The following BRD9 variants were observed in gnomAD, a reference collection of about 807,000 sequenced individuals.
The protein encoded by BRD9 is bromodomain containing 9, also known as bromodomain-containing protein 9.
BRD9 carries 47 observed loss-of-function variants against 68.7 expected under a neutral mutation model. The observed-to-expected ratio is 0.68, with a 90% CI of 0.54 to 0.87. BRD9 has a LOEUF of 0.87. BRD9 is among the 40% of genes least tolerant of loss of function. The pLI is 0.00. For synonymous variants in BRD9, 313 were observed against 293.9 expected (o/e 1.06, Z -0.67); for missense variants, 670 against 748.4 (o/e 0.90, Z 1.22).
intron 12 of BRD9, among the ~76,000 whole-genome samples, chr5:874,229 CTGA>C (rs1231646982): frequency 6.6e-6 from 1 of 152,240 alleles, no homozygotes; most frequent in Non-Finnish European, 1.5e-5. Flanking sequence ...TCCTGTGGAG[CTGA>C]TGACAGGTGC....
At chr5:891,421 G>T in intron 2 of BRD9, 134 bp from the exon 3 acceptor site, 1 of 1,380,332 alleles carries the variant, frequency 7.2e-7, no homozygotes, top group Non-Finnish European at 9.6e-7. Context: ...CTCATGCCAG[G>T]CTCCCTCCTC....
chr5:887,759 T>A (rs138636412), intron 5 of BRD9, among the ~76,000 whole-genome samples: 1 of 152,340 alleles, frequency 6.6e-6, no homozygotes, highest in Non-Finnish European at 1.5e-5. Context: ...CTGCGCTTCT[T>A]GCATTTCTCC....
chr5:871,206 A>G (rs1750082381), intron 13 of BRD9, among the ~76,000 whole-genome samples: 2 of 152,210 alleles, frequency 1.3e-5, no homozygotes, highest in African/African-American at 4.8e-5. Flanking sequence ...TGCTTGGGAC[A>G]ACACCTGCTA....
intron 7 of BRD9, among the ~76,000 whole-genome samples, chr5:886,138 TAC>T (rs911837840): frequency 2.0e-5 from 3 of 152,278 alleles, no homozygotes; most frequent in African/African-American, 7.2e-5. Context: ...CTCCAGCGTC[TAC>T]ACAGACACAG....
At chr5:884,472 C>T (rs967617063) in intron 7 of BRD9, among the ~76,000 whole-genome samples, 20 of 152,228 alleles carry the variant, frequency 1.3e-4, no homozygotes, top group Admixed American at 4.6e-4. Flanking sequence ...CGGGGCTGCT[C>T]GGGTGTGGTC....
At chr5:870,397 G>A (rs1256851898) in intron 14 of BRD9, 76 bp downstream of exon 14, 5 of 1,098,334 alleles carry the variant, frequency 4.6e-6, no homozygotes, top group Admixed American at 1.7e-5. Context: ...GAAGGGAGAG[G>A]AGGTGGAGGC....
chr5:891,508 C>T, intron 2 of BRD9, 132 bp downstream of exon 2: 2 of 1,400,218 alleles, frequency 1.4e-6, no homozygotes, highest in South Asian at 3.0e-5. Context: ...CTCAGCGGTT[C>T]GCGTTTTGCT....
At chr5:889,244 T>C in intron 4 of BRD9, 79 bp from the exon 5 acceptor site, 2 of 1,437,900 alleles carry the variant, frequency 1.4e-6, no homozygotes. Flanking sequence ...AAAAATTGGA[T>C]ACAACTGACC....
chr5:877,560 A>T (rs1751133917), intron 11 of BRD9, among the ~76,000 whole-genome samples: 1 of 152,240 alleles, frequency 6.6e-6, no homozygotes, highest in Admixed American at 6.5e-5. Flanking sequence ...CTCCATTAAA[A>T]ACTGCCAAAT....
At chr5:877,238 C>T (rs73733922) in intron 11 of BRD9, among the ~76,000 whole-genome samples, 5,633 of 152,282 alleles carry the variant, frequency 0.037, 325 homozygotes, top group African/African-American at 0.12. Context: ...AGGGGAGCCA[C>T]GGCCTTGGCC....
chr5:885,658 G>A (rs566220615), intron 7 of BRD9, among the ~76,000 whole-genome samples: 6 of 152,356 alleles, frequency 3.9e-5, no homozygotes, highest in South Asian at 4.1e-4. Context: ...GGAAGACCGC[G>A]AGCCACAGTG....
In BRD9 at chr5:886,647, G is replaced by A; in HGVS notation, c.778C>T (p.Pro260Ser). ...AVEEPVPEVV[P>S]VQVETAKKSK... The stretch of plus-strand genomic sequence containing the variant: ...TTCTTGGCAGTTTCTACTTGTACTG[G>A]TACAACTTCAGGGACAGGTTCCTCA... The change falls in exon 7 of 16, where the codon CCA becomes TCA. Residue 260 changes from proline to serine, a missense_variant. By Grantham distance (74) the Pro-to-Ser change is moderately conservative (BLOSUM62 -1). This residue lies in a region of BRD9 where 135 missense variants were observed against 141.2 expected (regional missense o/e 0.96). Coordinates refer to ENST00000467963, the MANE Select transcript of BRD9 (RefSeq NM_023924.5). 1 of 1,614,080 alleles carries A rather than the reference G, an allele frequency of 6.2e-7. No individual in the cohort carries two copies. The highest frequency in any genetic ancestry group is 8.5e-7 in the Non-Finnish European group (1 of 1,179,986).
chr5:881,307 G>A (rs1296741315), intron 8 of BRD9, 125 bp from the exon 9 acceptor site: 3 of 895,094 alleles, frequency 3.4e-6, no homozygotes, highest in African/African-American at 3.3e-5. Flanking sequence ...AAACGCCAGA[G>A]GGCCCCTCAC....
At chr5:875,933 G>A (rs746649178) in intron 12 of BRD9, among the ~76,000 whole-genome samples, 168 bp downstream of exon 12, 6 of 152,186 alleles carry the variant, frequency 3.9e-5, no homozygotes, top group Non-Finnish European at 8.8e-5. Context: ...CACGGTCTCC[G>A]GGGGACACCT....
At chr5:877,583 AC>A (rs1751139945) in intron 11 of BRD9, among the ~76,000 whole-genome samples, 1 of 152,228 alleles carries the variant, frequency 6.6e-6, no homozygotes, top group African/African-American at 2.4e-5. Context: ...TACAAGAGTG[AC>A]CCACTTTTAT....
intron 12 of BRD9, among the ~76,000 whole-genome samples, chr5:872,930 T>C (rs1435242861): frequency 6.6e-6 from 1 of 152,188 alleles, no homozygotes; most frequent in East Asian, 1.9e-4. Flanking sequence ...TCTGGGAGGC[T>C]GAGATGGATG....
At chr5:872,365 C>T (rs373264466) in intron 12 of BRD9, among the ~76,000 whole-genome samples, 31 of 152,190 alleles carry the variant, frequency 2.0e-4, no homozygotes, top group African/African-American at 4.8e-4. Flanking sequence ...GGGGTGCACT[C>T]GGGGTCACTC....
intron 11 of BRD9, among the ~76,000 whole-genome samples, chr5:877,902 TGGCCCCGGGAA>T (rs1455993752): frequency 6.6e-6 from 1 of 152,004 alleles, no homozygotes; most frequent in African/African-American, 2.4e-5. Context: ...ACACGCAGGA[TGGCCCCGGGAA>T]GGCACAGGGA....
At chr5:864,713 A>C in intron 15 of BRD9, 145 bp from the exon 16 acceptor site, 1 of 651,462 alleles carries the variant, frequency 1.5e-6, no homozygotes, top group South Asian at 1.9e-5. Flanking sequence ...CTCCCTGCCA[A>C]GGAGAGCTGT....
Sources: gnomAD v4.1 joint callset for allele counts (sites outside exome capture counted in the v4.1 genomes callset) on GRCh38, gnomAD v4.1.1 for gene constraint, gnomAD v4.1.1 regional missense constraint, MANE v1.5 for transcripts, NCBI Gene and HGNC (gene_info 2026-07-23, HGNC 2026-07-21) for gene names.